The following BAZ1A variants were observed in gnomAD, a reference collection of about 807,000 sequenced individuals.
BAZ1A encodes the protein bromodomain adjacent to zinc finger domain protein 1A.
Under a neutral mutation model 185.2 loss-of-function variants are expected in BAZ1A, and 50 were observed. That is an observed-to-expected ratio of 0.27 (90% CI 0.22 to 0.34). The LOEUF is 0.34. Among genes scored for constraint, BAZ1A ranks in the 10% least tolerant of loss-of-function variants. The probability of loss-of-function intolerance (pLI) is 1.00; values close to 1 mark genes in which losing one functional copy is unlikely to be tolerated. For synonymous variants in BAZ1A, 571 were observed against 615.6 expected (o/e 0.93, Z 1.07); for missense variants, 1,356 against 1,839.9 (o/e 0.74, Z 4.81).
chr14:34,793,084 T>C (rs1047008240), intron 11 of BAZ1A, among the ~76,000 whole-genome samples, 163 bp from the exon 12 acceptor site: 2 of 152,200 alleles, frequency 1.3e-5, no homozygotes, highest in Non-Finnish European at 2.9e-5. Context: ...AATAAGAATT[T>C]ATAATGATTA....
At chr14:34,769,354 T>G (rs545750098) in intron 21 of BAZ1A, among the ~76,000 whole-genome samples, 14 of 152,192 alleles carry the variant, frequency 9.2e-5, no homozygotes, top group Admixed American at 2.0e-4. Context: ...CAACCAATAT[T>G]TAACTTTGAC....
intron 7 of BAZ1A, among the ~76,000 whole-genome samples, chr14:34,801,945 C>A (rs1881593266): frequency 6.7e-6 from 1 of 149,532 alleles, no homozygotes. Context: ...GTTAATAACT[C>A]TAATCTTAGT....
At chr14:34,770,833 A>T (rs1476351801) in intron 21 of BAZ1A, among the ~76,000 whole-genome samples, 5 of 152,130 alleles carry the variant, frequency 3.3e-5, no homozygotes, top group Non-Finnish European at 7.4e-5. Flanking sequence ...CTGATTTAGC[A>T]CTTGGTATTT....
chr14:34,838,442 TTATAAC>T (rs888198891), intron 3 of BAZ1A, among the ~76,000 whole-genome samples: 1 of 152,168 alleles, frequency 6.6e-6, no homozygotes, highest in Admixed American at 6.5e-5. Context: ...ATGTTCTGTA[TTATAAC>T]TATATCAATG....
At position 34,776,210 on chromosome 14, in the gene BAZ1A, C is replaced by T; in HGVS notation, c.2542G>A (p.Val848Ile). 6.2e-7 allele frequency: 1 copy of T among 1,614,172 alleles called. No homozygotes were observed. Among genetic ancestry groups the T allele is most frequent in the Non-Finnish European group, 8.5e-7 (1 of 1,180,036 alleles). The change falls in exon 18 of 27, where the codon GTA becomes ATA. Residue 848 changes from valine (V) to isoleucine (I), a missense_variant. This residue lies in a region of BAZ1A where 434 missense variants were observed against 561.7 expected (regional missense o/e 0.77). Coordinates refer to ENST00000360310, the MANE Select transcript of BAZ1A (RefSeq NM_013448.3). Reference protein sequence around the residue: ...LPRPSSFQNNVQSQDPQVSTK... With the variant: ...LPRPSSFQNNIQSQDPQVSTK... ...GATACCTGAGGATCTTGAGACTGTA[C>T]ATTATTCTGAAATGATGAAGGTCTA...
At chr14:34,794,047 G>A (rs969051623) in intron 11 of BAZ1A, among the ~76,000 whole-genome samples, 4 of 152,086 alleles carry the variant, frequency 2.6e-5, no homozygotes, top group Admixed American at 1.3e-4. Flanking sequence ...CAGGAGAATC[G>A]CTTGAACCCT....
chr14:34,760,764 A>G (rs545314865), intron 24 of BAZ1A, among the ~76,000 whole-genome samples: 1 of 152,086 alleles, frequency 6.6e-6, no homozygotes, highest in East Asian at 1.9e-4. Flanking sequence ...GGGCTGGAGG[A>G]TTGCTTGAGC....
chr14:34,825,491 T>C (rs1348755464), intron 4 of BAZ1A, among the ~76,000 whole-genome samples: 1 of 128,962 alleles, frequency 7.8e-6, no homozygotes, highest in East Asian at 2.2e-4. Flanking sequence ...GTGGGGGAGA[T>C]GTATAAATGA....
chr14:34,803,893 A>T (rs542637349), intron 6 of BAZ1A, among the ~76,000 whole-genome samples: 39 of 152,282 alleles, frequency 2.6e-4, no homozygotes, highest in African/African-American at 9.4e-4. Context: ...CAGAAGTCAA[A>T]CTCATTCTTG....
At chr14:34,788,712 A>T (rs946743746) in intron 12 of BAZ1A, among the ~76,000 whole-genome samples, 6 of 152,178 alleles carry the variant, frequency 3.9e-5, no homozygotes, top group African/African-American at 1.4e-4. Flanking sequence ...TGCTCCTCCT[A>T]AAGTGAGATA....
intron 10 of BAZ1A, among the ~76,000 whole-genome samples, 193 bp downstream of exon 10, chr14:34,795,477 T>C (rs1005673314): frequency 6.6e-6 from 1 of 152,320 alleles, no homozygotes; most frequent in East Asian, 1.9e-4. Flanking sequence ...TAAGAATCAT[T>C]ATCAAAGCTG....
At chr14:34,796,707 C>A (rs1408538870) in intron 9 of BAZ1A, among the ~76,000 whole-genome samples, 1 of 152,128 alleles carries the variant, frequency 6.6e-6, no homozygotes, top group Non-Finnish European at 1.5e-5. Context: ...AGTAAGTATA[C>A]TTAATATGTT....
chr14:34,874,922 G>C lies in BAZ1A; in HGVS notation c.-59+216C>G, dbSNP rs2043020227. 1 of 161,992 alleles carries C rather than the reference G, an allele frequency of 6.2e-6. No individual in the cohort carries two copies. The highest frequency in any genetic ancestry group is 6.5e-5 in the Admixed American group (1 of 15,344). The allele number at this position is 161,992 out of a possible 1,614,324, so 10.0% of individuals were successfully genotyped here. A position where few individuals can be genotyped will look rare whatever the true frequency, so the allele number is the denominator to read the frequency against. ...TGGGGCAGGACGCCCCGCCGCGGGGGGCAGTGCGGGAGCGGCGGCGGCCCC... is the reference window on the plus strand; with the variant it reads ...TGGGGCAGGACGCCCCGCCGCGGGGCGCAGTGCGGGAGCGGCGGCGGCCCC... On this transcript the variant is annotated intron_variant, in intron 1 of 26. Transcript: ENST00000360310. This position sits in a 1 kb window ranked among gnomAD's most constrained non-coding sequence, Gnocchi z 4.7.
chr14:34,806,287 C>A (rs1162287956), intron 6 of BAZ1A, among the ~76,000 whole-genome samples: 2 of 152,136 alleles, frequency 1.3e-5, no homozygotes, highest in East Asian at 3.8e-4. Context: ...CTCTCTAACC[C>A]ATGCTACTGC....
chr14:34,762,708 G>A (rs1566546018), intron 23 of BAZ1A, among the ~76,000 whole-genome samples: 1 of 152,120 alleles, frequency 6.6e-6, no homozygotes, highest in African/African-American at 2.4e-5. Context: ...GGACTCAGGC[G>A]ATCTGCATGC....
At chr14:34,759,488 C>T (rs1359036746) in intron 24 of BAZ1A, among the ~76,000 whole-genome samples, 1 of 151,642 alleles carries the variant, frequency 6.6e-6, no homozygotes, top group Admixed American at 6.6e-5. Context: ...CGTGAGCCAC[C>T]ACGCCCGGCC....
chr14:34,825,776 A>G (rs1210987354), intron 4 of BAZ1A, among the ~76,000 whole-genome samples: 2 of 152,084 alleles, frequency 1.3e-5, no homozygotes, highest in African/African-American at 4.8e-5. Context: ...TGTCTCTACC[A>G]AAGATACAAA....
intron 4 of BAZ1A, among the ~76,000 whole-genome samples, chr14:34,822,956 G>A (rs1023193461): frequency 3.3e-5 from 5 of 152,066 alleles, no homozygotes; most frequent in African/African-American, 1.2e-4. Context: ...AAAAGAAAGG[G>A]ACATTCATGA....
chr14:34,827,537 CA>C (rs1486814110), intron 3 of BAZ1A, among the ~76,000 whole-genome samples: 1 of 151,786 alleles, frequency 6.6e-6, no homozygotes, highest in East Asian at 2.0e-4. Flanking sequence ...AGATCGAGAC[CA>C]TCCTGGCTAA....
Sources: allele counts gnomAD v4.1 joint callset (sites outside exome capture counted in the v4.1 genomes callset), GRCh38; gene constraint gnomAD v4.1.1; regional missense constraint gnomAD v4.1.1; non-coding constraint Gnocchi (gnomAD v3.1); transcripts MANE v1.5; gene names NCBI Gene and HGNC (gene_info 2026-07-23, HGNC 2026-07-21).